TENM3: variants seen among roughly 807,000 people sequenced by gnomAD.
TENM3 encodes teneurin-3.
TENM3 carries 63 observed loss-of-function variants against 255.1 expected under a neutral mutation model. The ratio of observed to expected loss-of-function variants is 0.25; its 90% confidence interval spans 0.20 to 0.30. The LOEUF (loss-of-function observed/expected upper bound fraction) is 0.30. Ranked by LOEUF, TENM3 falls within the 10% of genes least tolerant of loss-of-function variation. The pLI is 1.00. For synonymous variants in TENM3, 1,306 were observed against 1,322.3 expected, an observed-to-expected ratio of 0.99 and a Z score of 0.27; for missense variants, 2,929 against 3,461.1, an observed-to-expected ratio of 0.85 and a Z score of 3.86.
At chr4:181,634,949 T>C in the TENM3 span, among the ~76,000 whole-genome samples, 12,587 of 152,236 alleles carry the variant, frequency 0.083, 711 homozygotes, top group East Asian at 0.18. Flanking sequence ...TCTTCACCCT[T>C]TTTTTCATCT....
chr4:181,973,063 A>G, the TENM3 span, among the ~76,000 whole-genome samples: 1 of 152,204 alleles, frequency 6.6e-6, no homozygotes, highest in Non-Finnish European at 1.5e-5. Context: ...GACCATAAGA[A>G]TGACAGCCAG....
chr4:181,667,796 T>C, the TENM3 span, among the ~76,000 whole-genome samples: 1 of 152,176 alleles, frequency 6.6e-6, no homozygotes, highest in Non-Finnish European at 1.5e-5. Context: ...ACACTGTCCT[T>C]TACAGAGAGA....
the TENM3 span, among the ~76,000 whole-genome samples, chr4:182,121,437 C>A: frequency 6.6e-6 from 1 of 152,090 alleles, no homozygotes; most frequent in African/African-American, 2.4e-5. Flanking sequence ...AAGGATAATA[C>A]CTATGGAAGT....
the TENM3 span, among the ~76,000 whole-genome samples, chr4:181,793,110 G>C: frequency 6.6e-6 from 1 of 152,174 alleles, no homozygotes; most frequent in Non-Finnish European, 1.5e-5. Flanking sequence ...GAGATGTTCT[G>C]CTCTCCTTGC....
At chr4:182,352,313 G>C (rs1765242284) in intron 3 of TENM3, among the ~76,000 whole-genome samples, 1 of 152,070 alleles carries the variant, frequency 6.6e-6, no homozygotes, top group African/African-American at 2.4e-5. Flanking sequence ...ACATTGAATG[G>C]TGCTGATAAT....
At position 182,800,559 on chromosome 4, in the gene TENM3, A is replaced by G; in HGVS notation, c.*208A>G. ...CTTTAACGAATATGTTTACATATGC[A>G]TAGCGCTGCACTCAGTCGGACTGAA... On this transcript the variant is annotated 3_prime_UTR_variant, in exon 28 of 28. Coordinates refer to ENST00000511685, the MANE Select transcript of TENM3 (RefSeq NM_001080477.4). The G allele has an allele frequency of 1.7e-6, 1 of 573,848 alleles. No homozygotes were observed. The allele number at this position is 573,848 out of a possible 1,614,324, so 35.5% of individuals were successfully genotyped here.
At chr4:181,576,751 C>A in the TENM3 span, among the ~76,000 whole-genome samples, 3 of 150,840 alleles carry the variant, frequency 2.0e-5, no homozygotes, top group Admixed American at 2.0e-4. Context: ...TTACCTATAT[C>A]TCTTATAGCA....
chr4:181,660,491 A>G, the TENM3 span, among the ~76,000 whole-genome samples: 8 of 152,186 alleles, frequency 5.3e-5, no homozygotes, highest in African/African-American at 1.9e-4. Flanking sequence ...ATCAAAATGC[A>G]AAGCTGATCA....
At chr4:182,138,038 C>T in the TENM3 span, among the ~76,000 whole-genome samples, 1 of 152,140 alleles carries the variant, frequency 6.6e-6, no homozygotes, top group Non-Finnish European at 1.5e-5. Flanking sequence ...GCTGAGCTTG[C>T]TTAATTAAAT....
At chr4:182,011,436 A>G in the TENM3 span, among the ~76,000 whole-genome samples, 13 of 152,158 alleles carry the variant, frequency 8.5e-5, no homozygotes, top group African/African-American at 3.1e-4. Flanking sequence ...TCTGATCACC[A>G]AAATTTCCTA....
Position 182,649,534 on chromosome 4 carries a change from T to G in TENM3, c.989-4237T>G, listed in dbSNP as rs1048109697. On this transcript the variant is annotated intron_variant, in intron 5 of 27. Coordinates refer to ENST00000511685, the MANE Select transcript of TENM3 (RefSeq NM_001080477.4). ...ACTAGAAATAAAAATTTTTCATGAT[T>G]AAATCTACATGATTATTTCTGTAAC... is the stretch of plus-strand genomic sequence containing the variant. Among the ~76,000 whole-genome samples the G allele has an allele frequency of 1.3e-3, 192 of 150,616 alleles. 7 individuals carry two copies. The highest frequency in any genetic ancestry group is 3.7e-3 in the African/African-American group (154 of 41,426).
At chr4:181,558,982 T>C in the TENM3 span, among the ~76,000 whole-genome samples, 1 of 152,148 alleles carries the variant, frequency 6.6e-6, no homozygotes, top group African/African-American at 2.4e-5. Flanking sequence ...TGCTGGCTAG[T>C]AGAGCTTTTG....
chr4:182,220,016 AAAG>A (rs1189335436), intron 1 of TENM3, among the ~76,000 whole-genome samples: 2 of 152,176 alleles, frequency 1.3e-5, no homozygotes, highest in African/African-American at 4.8e-5. Flanking sequence ...TATTAAATGA[AAAG>A]AAGAACTCAA....
chr4:181,646,865 A>G, the TENM3 span, among the ~76,000 whole-genome samples: 1 of 152,226 alleles, frequency 6.6e-6, no homozygotes, highest in Admixed American at 6.5e-5. Flanking sequence ...TTATTTAAAC[A>G]TTGAGAAGAC....
At chr4:181,969,600 G>A in the TENM3 span, among the ~76,000 whole-genome samples, 1 of 152,172 alleles carries the variant, frequency 6.6e-6, no homozygotes, top group African/African-American at 2.4e-5. Context: ...GTGTTAGAAT[G>A]TAAACAAATG....
intron 3 of TENM3, among the ~76,000 whole-genome samples, chr4:182,386,801 C>T (rs924833925): frequency 2.0e-5 from 3 of 152,232 alleles, no homozygotes; most frequent in East Asian, 1.9e-4. Flanking sequence ...GGCAGGCCTC[C>T]GGACTGAAGC....
intron 22 of TENM3, among the ~76,000 whole-genome samples, chr4:182,763,248 A>T (rs1457801832): frequency 1.3e-5 from 2 of 152,318 alleles, no homozygotes; most frequent in East Asian, 3.9e-4. Flanking sequence ...TAGAAGAAAG[A>T]TGTCATTCTG....
At chr4:182,778,810 C>T (rs542953431) in intron 24 of TENM3, among the ~76,000 whole-genome samples, 4 of 152,166 alleles carry the variant, frequency 2.6e-5, no homozygotes, top group Admixed American at 6.5e-5. Flanking sequence ...TCATGGTGAT[C>T]TCATTCATAC....
intron 3 of TENM3, among the ~76,000 whole-genome samples, chr4:182,397,806 G>A (rs898848843): frequency 2.6e-5 from 4 of 152,106 alleles, no homozygotes; most frequent in African/African-American, 4.8e-5. Flanking sequence ...TATGACTTGC[G>A]AAGTTGCTGA....
Sources: allele counts gnomAD v4.1 joint callset (sites outside exome capture counted in the v4.1 genomes callset), GRCh38; gene constraint gnomAD v4.1.1; transcripts MANE v1.5; gene names NCBI Gene and HGNC (gene_info 2026-07-23, HGNC 2026-07-21).